NRG1: variants seen among roughly 807,000 people sequenced by gnomAD.
The protein encoded by NRG1 is neuregulin 1.
Under a neutral mutation model 63.8 loss-of-function variants are expected in NRG1, and 18 were observed. The ratio of observed to expected loss-of-function variants is 0.28; its 90% CI spans 0.19 to 0.42. The LOEUF (loss-of-function observed/expected upper bound fraction) is 0.42, where lower values mean the gene tolerates loss of function less well. NRG1 is among the 10% of genes least tolerant of loss of function. The probability of loss-of-function intolerance (pLI) is 1.00; values close to 1 mark genes in which losing one functional copy is unlikely to be tolerated. For synonymous variants in NRG1, 302 were observed against 301.3 expected (o/e 1.00, Z -0.02); for missense variants, 762 against 814.7 (o/e 0.94, Z 0.79).
intron 1 of NRG1, among the ~76,000 whole-genome samples, chr8:32,457,197 A>T (rs865935824): frequency 1.3e-5 from 2 of 152,294 alleles, no homozygotes. Flanking sequence ...CTTCAACTGA[A>T]ATCTATCACA....
chr8:32,226,403 C>T (rs1246089294), intron 1 of NRG1, among the ~76,000 whole-genome samples: 2 of 152,136 alleles, frequency 1.3e-5, no homozygotes, highest in African/African-American at 4.8e-5. Context: ...GGTTGGCAGA[C>T]ATTTTGGGTA....
chr8:32,330,080 A>T (rs952128664), intron 1 of NRG1, among the ~76,000 whole-genome samples: 4 of 133,012 alleles, frequency 3.0e-5, no homozygotes, highest in Non-Finnish European at 1.6e-5. Context: ...AAAAAAAAAA[A>T]AGTGTGTAGG....
intron 1 of NRG1, among the ~76,000 whole-genome samples, chr8:32,373,258 C>T (rs1809167434): frequency 6.6e-6 from 1 of 152,092 alleles, no homozygotes; most frequent in Admixed American, 6.5e-5. Flanking sequence ...AAAATACACC[C>T]ATATGGCAAA....
At chr8:32,065,590 G>A (rs1196775193) in intron 1 of NRG1, among the ~76,000 whole-genome samples, 1 of 152,140 alleles carries the variant, frequency 6.6e-6, no homozygotes. Context: ...TATCATTGTT[G>A]GACATTTGGC....
At chr8:31,818,316 G>C (rs1334880612) in intron 1 of NRG1, among the ~76,000 whole-genome samples, 1 of 152,140 alleles carries the variant, frequency 6.6e-6, no homozygotes, top group Non-Finnish European at 1.5e-5. Context: ...TATGTTTTAA[G>C]CCTTCTCCCA....
At chr8:32,751,422 CCTGT>C (rs772164832) in intron 7 of NRG1, among the ~76,000 whole-genome samples, 8 of 152,086 alleles carry the variant, frequency 5.3e-5, no homozygotes, top group Admixed American at 2.0e-4. Context: ...TGTTTTTAGC[CCTGT>C]CTGTCTCTAA....
Position 32,415,605 on chromosome 8 carries a change from T to TGAGCA in NRG1, c.38-180223_38-180222insGAGCA, listed in dbSNP as rs1815783646. ...TGGTAGAGAAGAGGAAAACAGTAAT[T>TGAGCA]TTTGAGCATGAATGCATAAGACCAT... On this transcript the variant is annotated intron_variant, in intron 1 of 10. Transcript: ENST00000519301. Among the ~76,000 whole-genome samples the TGAGCA allele has an allele frequency of 2.0e-5, 3 of 152,210 alleles. No homozygotes were observed. The East Asian group carries it at 5.8e-4, about 29-fold the overall frequency.
At chr8:32,429,720 G>A (rs993892772) in intron 1 of NRG1, among the ~76,000 whole-genome samples, 6 of 152,018 alleles carry the variant, frequency 3.9e-5, no homozygotes, top group Admixed American at 3.9e-4. Flanking sequence ...CAAACAGTGT[G>A]GCCATTTCTC....
intron 1 of NRG1, among the ~76,000 whole-genome samples, chr8:32,593,474 C>T (rs1198224734): frequency 2.6e-5 from 4 of 151,044 alleles, no homozygotes; most frequent in Non-Finnish European, 5.9e-5. Context: ...TCTAACATGG[C>T]GAAACTCTGT....
At chr8:32,697,354 T>C (rs956693802) in intron 5 of NRG1, among the ~76,000 whole-genome samples, 1 of 152,216 alleles carries the variant, frequency 6.6e-6, no homozygotes, top group Non-Finnish European at 1.5e-5. Flanking sequence ...TCAATTCAGT[T>C]ATTAAATTTT....
chr8:32,620,164 A>G (rs1253198680), intron 5 of NRG1, among the ~76,000 whole-genome samples: 1 of 152,212 alleles, frequency 6.6e-6, no homozygotes, highest in East Asian at 1.9e-4. Flanking sequence ...TGCCTGGTCA[A>G]AAATAATCAG....
intron 1 of NRG1, among the ~76,000 whole-genome samples, chr8:32,465,895 A>G (rs1587812306): frequency 6.6e-6 from 1 of 152,252 alleles, no homozygotes; most frequent in African/African-American, 2.4e-5. Context: ...TATATTTACA[A>G]TAGAAAAAAA....
At chr8:31,781,041 T>C (rs1341513538) in intron 1 of NRG1, among the ~76,000 whole-genome samples, 1 of 152,236 alleles carries the variant, frequency 6.6e-6, no homozygotes, top group Non-Finnish European at 1.5e-5. Flanking sequence ...TGTAAGTGGA[T>C]AACAGCCTCC....
chr8:32,398,850 G>T (rs1426587998), intron 1 of NRG1, among the ~76,000 whole-genome samples: 1 of 152,008 alleles, frequency 6.6e-6, no homozygotes, highest in Non-Finnish European at 1.5e-5. Context: ...AGTTTTATAG[G>T]TTCTAAGTGA....
At chr8:32,277,590 A>G (rs1022333131) in intron 1 of NRG1, among the ~76,000 whole-genome samples, 5 of 152,192 alleles carry the variant, frequency 3.3e-5, no homozygotes, top group African/African-American at 9.7e-5. Context: ...AAACCTTCCT[A>G]AATATCTTTA....
At position 31,711,507 on chromosome 8, in the gene NRG1, A is replaced by G. The variant is rs528205419; in HGVS notation, c.37+72076A>G. On this transcript the variant is annotated intron_variant, in intron 1 of 10. Transcript: ENST00000519301. Reference sequence around the variant, plus strand: ...TTCTTTCTTTACCATTTGAAGTTCAATAACTGTCTGGGTTGTCTACACTGG... The same window carrying G: ...TTCTTTCTTTACCATTTGAAGTTCAGTAACTGTCTGGGTTGTCTACACTGG... Among the ~76,000 whole-genome samples, 6 of 152,290 alleles carry G rather than the reference A, an allele frequency of 3.9e-5. No individual in the cohort carries two copies. In the South Asian group the frequency reaches 8.3e-4, roughly 21 times the overall value.
At chr8:31,984,541 A>G (rs1366085698) in intron 1 of NRG1, among the ~76,000 whole-genome samples, 1 of 152,072 alleles carries the variant, frequency 6.6e-6, no homozygotes, top group Non-Finnish European at 1.5e-5. Context: ...GGAAATGAGG[A>G]ACTGCTAGGT....
intron 2 of NRG1, among the ~76,000 whole-genome samples, chr8:32,601,116 T>G (rs1173740197): frequency 6.6e-6 from 1 of 152,214 alleles, no homozygotes; most frequent in Non-Finnish European, 1.5e-5. Context: ...CATAGTTAAA[T>G]GTATCATTAG....
chr8:32,114,754 C>T (rs913579866), intron 1 of NRG1, among the ~76,000 whole-genome samples: 2 of 152,164 alleles, frequency 1.3e-5, no homozygotes, highest in African/African-American at 4.8e-5. Context: ...AGTCAGAGAG[C>T]CCAGAACTCT....
Sources: gnomAD v4.1 joint callset for allele counts (sites outside exome capture counted in the v4.1 genomes callset) on GRCh38, gnomAD v4.1.1 for gene constraint, MANE v1.5 for transcripts, NCBI Gene and HGNC (gene_info 2026-07-23, HGNC 2026-07-21) for gene names.